Variants in DICER1 observed in about 807,000 individuals in gnomAD.
The protein encoded by DICER1 is dicer 1, ribonuclease III.
Under a neutral mutation model 194.1 loss-of-function variants are expected in DICER1, and 43 were observed. That is an observed-to-expected ratio of 0.22 (90% CI 0.17 to 0.29). The LOEUF is 0.29. DICER1 is among the 10% of genes least tolerant of loss of function. The probability of loss-of-function intolerance (pLI) is 1.00; values close to 1 mark genes in which losing one functional copy is unlikely to be tolerated. For missense variants in DICER1, 1,608 were observed against 2,317.0 expected (o/e 0.69, Z 6.28); for synonymous variants, 832 against 820.5 (o/e 1.01, Z -0.24).
Position 95,088,329 on chromosome 14 carries a change from T to C in DICER1, c.*2169A>G, listed in dbSNP as rs192718122. ...AATCATAACTGTGAAAACAATCTGA[T>C]TTTGGTGCCAGGAATCAAGAGAATC... On this transcript the variant is annotated 3_prime_UTR_variant, in exon 27 of 27. Coordinates refer to ENST00000343455, the MANE Select transcript of DICER1 (RefSeq NM_177438.3). The C allele has an allele frequency of 1.1e-3, 244 of 231,564 alleles. No individual in the cohort carries two copies. The highest frequency in any genetic ancestry group is 1.7e-3 in the Non-Finnish European group (195 of 116,788). 14.3% of individuals were successfully genotyped at this position (231,564 alleles called of 1,614,324 possible).
chr14:95,137,487 GAAGGGGAAGGGA>G (rs1453524315), intron 1 of DICER1, among the ~76,000 whole-genome samples: 5 of 126,918 alleles, frequency 3.9e-5, no homozygotes, highest in South Asian at 3.0e-4. Flanking sequence ...TGGGGATAGG[GAAGGGGAAGGGA>G]AAGGGGAAGG....
intron 7 of DICER1, among the ~76,000 whole-genome samples, chr14:95,125,569 AAAGGT>A (rs1458209013): frequency 1.3e-4 from 8 of 62,984 alleles, no homozygotes; most frequent in African/African-American, 1.8e-4. Flanking sequence ...GGGAGAGGGG[AAAGGT>A]GGGGGAAGGG....
chr14:95,142,413 G>C (rs1213949602), intron 1 of DICER1, among the ~76,000 whole-genome samples: 2 of 152,058 alleles, frequency 1.3e-5, no homozygotes, highest in Admixed American at 6.5e-5. Context: ...CACCTAGTAG[G>C]ATGCAAAGAC....
At position 95,099,882 on chromosome 14, in the gene DICER1, G is replaced by A; in HGVS notation, c.4104C>T (p.Arg1368=). The A allele has an allele frequency of 6.2e-7, 1 of 1,613,990 alleles. No homozygotes were observed. The highest frequency in any genetic ancestry group is 8.5e-7 in the Non-Finnish European group (1 of 1,179,962). The stretch of plus-strand genomic sequence containing the variant: ...GGGGATCAAATATTGACACCACCAT[G>A]CGGCTGGGTAGTCCCTTCTTTTTTC... The part of the protein sequence containing the change: ...RLGKKKGLPS[R]MVVSIFDPPV... The change falls in exon 22 of 27, where the codon CGC becomes CGT. Residue 1368 remains arginine (R), a synonymous_variant. Transcript: ENST00000343455.
intron 1 of DICER1, among the ~76,000 whole-genome samples, chr14:95,156,921 A>G (rs1233793320): frequency 6.6e-6 from 1 of 151,972 alleles, no homozygotes; most frequent in East Asian, 1.9e-4. Flanking sequence ...CAGGCCGGGG[A>G]GTGGACAGGC....
intron 4 of DICER1, 94 bp from the exon 5 acceptor site, chr14:95,130,286 G>T: frequency 1.6e-6 from 2 of 1,216,660 alleles, no homozygotes; most frequent in Non-Finnish European, 2.4e-6. Context: ...TATCATAAGT[G>T]AGGATTAAGG....
intron 14 of DICER1, among the ~76,000 whole-genome samples, chr14:95,110,610 A>C (rs1213376556): frequency 6.6e-6 from 1 of 152,158 alleles, no homozygotes; most frequent in Non-Finnish European, 1.5e-5. Flanking sequence ...TGGGTCTTGG[A>C]ACATACCCTC....
chr14:95,094,280 CAAAA>C, intron 23 of DICER1, 124 bp from the exon 24 acceptor site: 1 of 1,231,438 alleles, frequency 8.1e-7, no homozygotes, highest in South Asian at 1.3e-5. Flanking sequence ...ATATATTCTT[CAAAA>C]AGGATATCTG....
chr14:95,142,400 C>T (rs1380068116), intron 1 of DICER1, among the ~76,000 whole-genome samples: 2 of 152,072 alleles, frequency 1.3e-5, no homozygotes, highest in African/African-American at 2.4e-5. Context: ...CATTCTATAC[C>T]GCCACCTAGT....
intron 1 of DICER1, among the ~76,000 whole-genome samples, chr14:95,146,549 C>T (rs546846490): frequency 2.0e-5 from 3 of 152,192 alleles, no homozygotes; most frequent in South Asian, 2.1e-4. Context: ...ATAAAATTTA[C>T]GTCTGCCTTC....
At chr14:95,101,470 A>G (rs947534183) in intron 21 of DICER1, among the ~76,000 whole-genome samples, 2 of 152,116 alleles carry the variant, frequency 1.3e-5, no homozygotes, top group African/African-American at 2.4e-5. Flanking sequence ...AATCTCATCC[A>G]TTCTCAGAGC....
intron 1 of DICER1, 112 bp downstream of exon 1, chr14:95,157,118 C>T (rs1223563951): frequency 6.7e-6 from 1 of 150,234 alleles, no homozygotes; most frequent in Non-Finnish European, 1.5e-5. Flanking sequence ...GGCCCGGACG[C>T]GCGGCTCGGG....
intron 14 of DICER1, 32 bp from the exon 15 acceptor site, chr14:95,108,535 C>G (rs758881891): frequency 6.3e-7 from 1 of 1,595,744 alleles, no homozygotes; most frequent in Non-Finnish European, 8.6e-7. Flanking sequence ...AAGCGTCATG[C>G]TCAAGCATAT....
chr14:95,090,977 C>T (rs377460248), intron 26 of DICER1, 57 bp downstream of exon 26: 1 of 1,483,158 alleles, frequency 6.7e-7, no homozygotes, highest in East Asian at 2.3e-5. Context: ...TCTTTGTGAA[C>T]TTTTCCCCTT....
intron 1 of DICER1, among the ~76,000 whole-genome samples, chr14:95,139,198 C>T (rs980547518): frequency 9.9e-5 from 15 of 152,144 alleles, no homozygotes; most frequent in African/African-American, 3.1e-4. Context: ...ACTACAGAGG[C>T]TTGGGGTATA....
rs1595447725 is a variant in DICER1 at position 95,126,624 on chromosome 14, A to C, written c.859T>G (p.Ser287Ala). Residue 287 changes from serine (S) to alanine (A), a missense_variant, in exon 7 of 27, where the codon TCT (serine) becomes GCT (alanine). Transcript: ENST00000343455. ...ALNFINDCNI[S>A]VHSKERDSTL... ...GAATCTCTTTCTTTTGAATGTACAG[A>C]TATATTACAATCATTGATAAAATTA... 1 of 1,558,446 alleles carries C rather than the reference A, an allele frequency of 6.4e-7. No individual in the cohort carries two copies. The highest frequency in any genetic ancestry group is 1.4e-5 in the African/African-American group (1 of 73,852).
chr14:95,088,804 A>G lies in DICER1; in HGVS notation c.*1694T>C, dbSNP rs1889542250. The G allele has an allele frequency of 4.3e-6, 1 of 233,240 alleles. No homozygotes were observed. The highest frequency in any genetic ancestry group is 2.2e-5 in the African/African-American group (1 of 45,346). The allele number at this position is 233,240 out of a possible 1,614,324, so 14.4% of individuals were successfully genotyped here. On this transcript the variant is annotated 3_prime_UTR_variant, in exon 27 of 27. Coordinates refer to ENST00000343455, the MANE Select transcript of DICER1 (RefSeq NM_177438.3). ...CACAGAGGCATTTCTCTGTGGGTGG[A>G]TGATGCAGATAAAGCAGGAAGGACA...
intron 8 of DICER1, among the ~76,000 whole-genome samples, chr14:95,122,373 C>T (rs910285249): frequency 1.6e-4 from 24 of 152,168 alleles, no homozygotes; most frequent in Admixed American, 1.1e-3. Context: ...TAAATGGAGA[C>T]GGGGAGTATG....
chr14:95,093,669 T>C (rs1890043161), intron 24 of DICER1, among the ~76,000 whole-genome samples: 1 of 152,184 alleles, frequency 6.6e-6, no homozygotes, highest in South Asian at 2.1e-4. Context: ...GTTCCTTCTC[T>C]TCACCTGAAT....
Sources: gnomAD v4.1 joint callset for allele counts (sites outside exome capture counted in the v4.1 genomes callset) on GRCh38, gnomAD v4.1.1 for gene constraint, MANE v1.5 for transcripts, NCBI Gene and HGNC (gene_info 2026-07-23, HGNC 2026-07-21) for gene names.